The following ERLIN1 variants were observed in gnomAD, a reference collection of about 807,000 sequenced individuals.
ERLIN1 encodes ER lipid raft associated 1, also known as erlin-1.
ERLIN1 carries 24 observed loss-of-function variants against 46.9 expected under a neutral mutation model. That is an observed-to-expected ratio of 0.51 (90% CI 0.37 to 0.72). The LOEUF (loss-of-function observed/expected upper bound fraction) is 0.72. Among genes scored for constraint, ERLIN1 ranks in the 30% least tolerant of loss-of-function variants. ERLIN1 has a pLI of 0.00. For missense variants in ERLIN1, 293 were observed against 417.9 expected (o/e 0.70, Z 2.61); for synonymous variants, 158 against 143.2 (o/e 1.10, Z -0.74).
intron 6 of ERLIN1, among the ~76,000 whole-genome samples, chr10:100,170,321 T>A (rs1301196842): frequency 6.6e-6 from 1 of 152,222 alleles, no homozygotes; most frequent in Non-Finnish European, 1.5e-5. Context: ...GGAGCTCTTC[T>A]CTTCTCAGGG....
Position 100,150,452 on chromosome 10 carries a change from ATTTTAT to A in ERLIN1, c.*1673_*1678del, listed in dbSNP as rs1842745239. On this transcript the variant is annotated 3_prime_UTR_variant, in exon 11 of 11. Coordinates refer to ENST00000421367, the MANE Select transcript of ERLIN1 (RefSeq NM_006459.4). ...TGCAGCAACAATTCGACAGGTAAAG[ATTTTAT>A]TTTTATAATTCAAAAGTTCTTTTAA... 1 of 151,704 alleles carries A rather than the reference ATTTTAT, an allele frequency of 6.6e-6. No individual in the cohort carries two copies. Among genetic ancestry groups the A allele is most frequent in the African/African-American group, 2.5e-5 (1 of 40,536 alleles). The allele number at this position is 151,704 out of a possible 1,614,324, so 9.4% of individuals were successfully genotyped here.
Position 100,151,899 on chromosome 10 carries a change from G to A in ERLIN1, c.*232C>T, listed in dbSNP as rs1223221241. On this transcript the variant is annotated 3_prime_UTR_variant, in exon 11 of 11. Coordinates refer to ENST00000421367, the MANE Select transcript of ERLIN1 (RefSeq NM_006459.4). ...AGACTTTCCTCATTCATGAGTAGCA[G>A]TTTAGAAAGGAATACATATAGGATA... The A allele has an allele frequency of 5.4e-6, 3 of 556,320 alleles. No individual in the cohort carries two copies. Among genetic ancestry groups the A allele is most frequent in the African/African-American group, 1.9e-5 (1 of 53,160 alleles). 34.5% of individuals were successfully genotyped at this position (556,320 alleles called of 1,614,324 possible). A position where few individuals can be genotyped will look rare whatever the true frequency, so the allele number is the denominator to read the frequency against.
chr10:100,177,905 T>A (rs958114567), intron 4 of ERLIN1, among the ~76,000 whole-genome samples: 2 of 152,228 alleles, frequency 1.3e-5, no homozygotes, highest in Admixed American at 1.3e-4. Flanking sequence ...AATGACCATT[T>A]TGCTCTTAGA....
chr10:100,153,519 G>A (rs1641071691), intron 10 of ERLIN1, among the ~76,000 whole-genome samples: 1 of 152,162 alleles, frequency 6.6e-6, no homozygotes, highest in South Asian at 2.1e-4. Flanking sequence ...CCAGGCAAAA[G>A]TCCATCTTGT....
In ERLIN1 at chr10:100,185,918, G is replaced by C. The variant is rs1225917574; in HGVS notation, c.-292C>G. 1 of 454,840 alleles carries C rather than the reference G, an allele frequency of 2.2e-6. No homozygotes were observed. Among genetic ancestry groups the C allele is most frequent in the East Asian group, 3.4e-5 (1 of 29,028 alleles). 28.2% of individuals were successfully genotyped at this position (454,840 alleles called of 1,614,324 possible). ...AAGGCACTAACTGAGAAGAAGCCCA[G>C]CCGCAGGCTCGCGAGGAAAGCCGAC... On this transcript the variant is annotated 5_prime_UTR_variant, in exon 1 of 11. Coordinates refer to ENST00000421367, the MANE Select transcript of ERLIN1 (RefSeq NM_006459.4).
At chr10:100,170,239 T>C (rs1269095956) in intron 6 of ERLIN1, among the ~76,000 whole-genome samples, 2 of 152,156 alleles carry the variant, frequency 1.3e-5, no homozygotes, top group Non-Finnish European at 2.9e-5. Context: ...AAAAACAGCC[T>C]TGAAATTCTT....
Position 100,150,352 on chromosome 10 carries a change from G to A in ERLIN1, c.*1779C>T, listed in dbSNP as rs1456398927. The A allele has an allele frequency of 6.6e-6, 1 of 152,592 alleles. No individual in the cohort carries two copies. The highest frequency in any genetic ancestry group is 2.1e-4 in the South Asian group (1 of 4,824). 9.5% of individuals were successfully genotyped at this position (152,592 alleles called of 1,614,324 possible). A position where few individuals can be genotyped will look rare whatever the true frequency, so the allele number is the denominator to read the frequency against. Reference sequence around the variant, plus strand: ...CCATCACTTTGGGGCAACAGCTTTTGCTCATGTAACTATAAAACATCTCTA... The same window carrying A: ...CCATCACTTTGGGGCAACAGCTTTTACTCATGTAACTATAAAACATCTCTA... On this transcript the variant is annotated 3_prime_UTR_variant, in exon 11 of 11. Transcript: ENST00000421367.
intron 1 of ERLIN1, 70 bp from the exon 2 acceptor site, chr10:100,183,907 TAATA>T (rs1260501551): frequency 1.5e-5 from 16 of 1,091,634 alleles, no homozygotes; most frequent in East Asian, 2.5e-5. Flanking sequence ...TAAAATGCTA[TAATA>T]AATACTCACT....
intron 8 of ERLIN1, among the ~76,000 whole-genome samples, chr10:100,163,378 T>TA (rs10706601): frequency 0.87 from 124,752 of 142,754 alleles, 55,577 homozygotes; most frequent in East Asian, 0.99. Flanking sequence ...ATTTTTTTCT[T>TA]AAAAAAAAAA....
In ERLIN1 at chr10:100,151,426, C is replaced by G. The variant is rs1356405915; in HGVS notation, c.*705G>C. The G allele has an allele frequency of 6.5e-6, 1 of 154,996 alleles. No individual in the cohort carries two copies. Among genetic ancestry groups the G allele is most frequent in the African/African-American group, 2.4e-5 (1 of 41,448 alleles). The allele number at this position is 154,996 out of a possible 1,614,324, so 9.6% of individuals were successfully genotyped here. On this transcript the variant is annotated 3_prime_UTR_variant, in exon 11 of 11. Transcript: ENST00000421367. The stretch of plus-strand genomic sequence containing the variant: ...GCTCAGAGCAAAGGTTTCATCTCAC[C>G]CCAACTTCAAACCAAGCCCTCTGTA...
At chr10:100,169,993 G>C (rs1334126941) in intron 6 of ERLIN1, among the ~76,000 whole-genome samples, 1 of 152,134 alleles carries the variant, frequency 6.6e-6, no homozygotes, top group Non-Finnish European at 1.5e-5. Flanking sequence ...ACTCCAGCCT[G>C]GGCAACAGAG....
At chr10:100,183,633 C>A in intron 2 of ERLIN1, 123 bp downstream of exon 2, 1 of 604,944 alleles carries the variant, frequency 1.7e-6, no homozygotes, top group Non-Finnish European at 2.9e-6. Flanking sequence ...ACGTTAACTT[C>A]TGCATTTAAG....
chr10:100,180,874 AATTT>A (rs1310284602), intron 2 of ERLIN1, among the ~76,000 whole-genome samples: 5 of 152,238 alleles, frequency 3.3e-5, no homozygotes, highest in African/African-American at 1.2e-4. Context: ...CTAAATAATT[AATTT>A]ATTTAGATTA....
intron 3 of ERLIN1, among the ~76,000 whole-genome samples, chr10:100,178,754 T>C (rs1844460887): frequency 6.6e-6 from 1 of 152,208 alleles, no homozygotes; most frequent in Admixed American, 6.5e-5. Context: ...ATTCTAATCC[T>C]TACAACAACT....
rs570034014 is a variant in ERLIN1 at position 100,165,550 on chromosome 10, C to T, written c.564-1455G>A. 5.3e-5 allele frequency among the ~76,000 whole-genome samples: 8 copies of T among 151,986 alleles called. No individual in the cohort carries two copies. The East Asian group carries it at 1.6e-3, about 29-fold the overall frequency. The stretch of plus-strand genomic sequence containing the variant: ...TACAGGCGCCCACCACCATGCCTGG[C>T]TAATTTTTTGTATTTTTAGTAGAGA... On this transcript the variant is annotated intron_variant, in intron 7 of 10. Transcript: ENST00000421367.
intron 5 of ERLIN1, among the ~76,000 whole-genome samples, chr10:100,174,843 T>C (rs1461707554): frequency 6.6e-6 from 1 of 152,106 alleles, no homozygotes; most frequent in African/African-American, 2.4e-5. Context: ...GTATTTGAAA[T>C]ATACACAGCA....
At chr10:100,167,507 C>T in intron 6 of ERLIN1, 101 bp from the exon 7 acceptor site, 1 of 903,446 alleles carries the variant, frequency 1.1e-6, no homozygotes, top group South Asian at 1.5e-5. Flanking sequence ...ATCTAATAAA[C>T]AACAGCTATA....
At chr10:100,180,429 A>C (rs1844569862) in intron 2 of ERLIN1, among the ~76,000 whole-genome samples, 1 of 152,204 alleles carries the variant, frequency 6.6e-6, no homozygotes, top group Non-Finnish European at 1.5e-5. Flanking sequence ...TATAAACTGA[A>C]CTGTTAAGTG....
intron 6 of ERLIN1, among the ~76,000 whole-genome samples, chr10:100,171,709 C>A (rs1303422022): frequency 6.6e-6 from 1 of 152,058 alleles, no homozygotes; most frequent in Non-Finnish European, 1.5e-5. Context: ...CTATGCCCAG[C>A]CAAAAATAGC....
Sources: allele counts gnomAD v4.1 joint callset (sites outside exome capture counted in the v4.1 genomes callset), GRCh38; gene constraint gnomAD v4.1.1; transcripts MANE v1.5; gene names NCBI Gene and HGNC (gene_info 2026-07-23, HGNC 2026-07-21).